Variants in IL24 observed in about 807,000 individuals in gnomAD.
The protein encoded by IL24 is interleukin 24.
A neutral mutation model predicts 27.6 loss-of-function variants in IL24; 24 were observed. The observed-to-expected ratio is 0.87, with a 90% confidence interval of 0.63 to 1.22. The LOEUF is 1.22. IL24 is among the 50% of genes most tolerant of loss of function. The pLI is 0.00. For missense variants in IL24, 240 were observed against 237.0 expected (o/e 1.01, Z -0.08); for synonymous variants, 99 against 93.1 (o/e 1.06, Z -0.36).
rs751769979 is a variant in IL24, at chr1:206,901,478, C to G, written c.304-16C>G. On this transcript the variant is annotated splice_polypyrimidine_tract_variant and intron_variant, in intron 4 of 6. Transcript: ENST00000294984. The stretch of plus-strand genomic sequence containing the variant: ...GGCAGAGGCCTTGGCTCAGCAGTGA[C>G]CCAGACCTTCCCCAGGATGCTGAGA... 3.1e-6 allele frequency: 5 copies of G among 1,604,712 alleles called. No individual in the cohort carries two copies. The South Asian group carries it at 5.6e-5, about 18-fold the overall frequency.
Position 206,903,052 on chromosome 1 carries a change from A to G in IL24, c.614A>G (p.Lys205Arg). 1.9e-6 allele frequency: 3 copies of G among 1,613,824 alleles called. No individual in the cohort carries two copies. The South Asian group carries it at 3.3e-5, about 18-fold the overall frequency. Residue 205 changes from lysine to arginine, a missense_variant, in exon 7 of 7, where the codon AAG (lysine) becomes AGG (arginine). By Grantham distance (26) the Lys-to-Arg change is conservative. Transcript: ENST00000294984. ...ILLTWMQKFY[K>R]L The stretch of plus-strand genomic sequence containing the variant: ...CTGACCTGGATGCAGAAATTCTACA[A>G]GCTCTGAATGTCTAGACCAGGACCT...
intron 4 of IL24, 54 bp from the exon 5 acceptor site, chr1:206,901,439 AG>A (rs2102525893): frequency 6.4e-7 from 1 of 1,553,428 alleles, no homozygotes; most frequent in Non-Finnish European, 8.7e-7. Flanking sequence ...TTGTTCCTTC[AG>A]GGGGTCAGGG....
chr1:206,901,672 G>C lies in IL24; in HGVS notation c.462+20G>C. 2 of 1,603,784 alleles carry C rather than the reference G, an allele frequency of 1.2e-6. No homozygotes were observed. The highest frequency in any genetic ancestry group is 2.7e-5 in the African/African-American group (2 of 74,820). ...CCCAGTGTGAGTAGCACACGCTCTG[G>C]ATACTGGCAGCTCTGGGTTCAAGTC... On this transcript the variant is annotated intron_variant, in intron 5 of 6. Coordinates refer to ENST00000294984, the MANE Select transcript of IL24 (RefSeq NM_006850.3).
At chr1:206,901,161 A>G (rs939408028) in intron 4 of IL24, among the ~76,000 whole-genome samples, 3 of 152,176 alleles carry the variant, frequency 2.0e-5, no homozygotes, top group Non-Finnish European at 4.4e-5. Context: ...TCACATCCCC[A>G]TAGCTGTTAA....
chr1:206,902,100 A>G (rs1015047238), intron 6 of IL24, 28 bp downstream of exon 6: 1 of 1,613,676 alleles, frequency 6.2e-7, no homozygotes. Context: ...GAGCTTGCCC[A>G]TCCAGCAGAA....
At position 206,901,544 on chromosome 1, in the gene IL24, A is replaced by T; in HGVS notation, c.354A>T (p.Lys118Asn). 1.9e-6 allele frequency: 3 copies of T among 1,614,072 alleles called. No individual in the cohort carries two copies. The highest frequency in any genetic ancestry group is 2.5e-6 in the Non-Finnish European group (3 of 1,179,992). Residue 118 changes from lysine (K) to asparagine (N), a missense_variant, in exon 5 of 7, where the codon AAA becomes AAT. Coordinates refer to ENST00000294984, the MANE Select transcript of IL24 (RefSeq NM_006850.3). ...ACACCCTGCTGGAGTTCTACTTGAA[A>T]ACTGTTTTCAAAAACTACCACAATA... is the stretch of plus-strand genomic sequence containing the variant. The part of the protein sequence containing the change: ...LVHTLLEFYL[K>N]TVFKNYHNRT...
intron 6 of IL24, chr1:206,902,704 G>A: frequency 1.0e-6 from 1 of 985,280 alleles, no homozygotes; most frequent in South Asian, 4.7e-5. Flanking sequence ...ATCCCATACT[G>A]CAGTTTGTGG....
chr1:206,898,767 T>C (rs3093420), intron 2 of IL24, among the ~76,000 whole-genome samples: 23 of 152,296 alleles, frequency 1.5e-4, no homozygotes, highest in African/African-American at 5.5e-4. Flanking sequence ...GACCCTGACC[T>C]GCCCTCTGTG....
Position 206,899,523 on chromosome 1 carries a change from A to G in IL24, c.240+8A>G. The stretch of plus-strand genomic sequence containing the variant: ...GCTGTGAAAGACACTATGGTGAGTA[A>G]AGTGCTGTTCTGGACCCAGTCGTGG... On this transcript the variant is annotated splice_region_variant and intron_variant, in intron 3 of 6. Transcript: ENST00000294984. 6.3e-7 allele frequency: 1 copy of G among 1,584,246 alleles called. No homozygotes were observed. The highest frequency in any genetic ancestry group is 8.6e-7 in the Non-Finnish European group (1 of 1,165,536).
chr1:206,899,179 C>A, intron 2 of IL24, 141 bp from the exon 3 acceptor site: 1 of 820,276 alleles, frequency 1.2e-6, no homozygotes, highest in Non-Finnish European at 1.9e-6. Flanking sequence ...CTTAGCAAGG[C>A]TGCCGGTTTG....
intron 3 of IL24, among the ~76,000 whole-genome samples, 197 bp downstream of exon 3, chr1:206,899,712 A>C (rs532307239): frequency 6.6e-6 from 1 of 152,184 alleles, no homozygotes; most frequent in Non-Finnish European, 1.5e-5. Flanking sequence ...GGGCTCAGAA[A>C]AAATGTGGGC....
At chr1:206,900,482 C>G (rs1306331431) in intron 4 of IL24, 125 bp downstream of exon 4, 1 of 814,346 alleles carries the variant, frequency 1.2e-6, no homozygotes, top group African/African-American at 1.7e-5. Flanking sequence ...TTACACAGGA[C>G]AGGGCCAGAC....
intron 6 of IL24, chr1:206,902,391 A>AGTGGGGGGGGGGGGGG: frequency 1.1e-6 from 1 of 873,092 alleles, no homozygotes; most frequent in Non-Finnish European, 1.4e-6. Context: ...AAGAAGGGAG[A>AGTGGGGGGGGGGGGGG]CACCCCACCC....
Position 206,901,581 on chromosome 1 carries a change from G to C in IL24, c.391G>C (p.Val131Leu), listed in dbSNP as rs3093446. The stretch of plus-strand genomic sequence containing the variant: ...AAACTACCACAATAGAACAGTTGAA[G>C]TCAGGACTCTGAAGTCATTCTCTAC... The part of the protein sequence containing the change: ...FKNYHNRTVE[V>L]RTLKSFSTLA... The change falls in exon 5 of 7, where the codon GTC (valine) becomes CTC (leucine). Residue 131 changes from valine to leucine, a missense_variant. Physicochemically the swap from Val to Leu is conservative, Grantham distance 32. Coordinates refer to ENST00000294984, the MANE Select transcript of IL24 (RefSeq NM_006850.3). 4.6e-4 allele frequency: 749 copies of C among 1,614,196 alleles called. No homozygotes were observed. The highest frequency in any genetic ancestry group is 5.7e-4 in the Non-Finnish European group (674 of 1,180,022).
rs1678213751 is a variant in IL24, at chr1:206,897,754, G to C, written c.-79G>C. The stretch of plus-strand genomic sequence containing the variant: ...AGGGACAAGACATGACTGTGATGAG[G>C]AGCTGCTTTCGCCAATTTAACACCA... On this transcript the variant is annotated 5_prime_UTR_variant, in exon 2 of 7. Transcript: ENST00000294984. 21 of 1,483,840 alleles carry C rather than the reference G, an allele frequency of 1.4e-5. No individual in the cohort carries two copies. In the South Asian group the frequency reaches 2.2e-4, roughly 16 times the overall value. The allele number at this position is 1,483,840 out of a possible 1,614,324, so 91.9% of individuals were successfully genotyped here. A position where few individuals can be genotyped will look rare whatever the true frequency, so the allele number is the denominator to read the frequency against.
chr1:206,900,419 G>C, intron 4 of IL24, 62 bp downstream of exon 4: 1 of 1,425,156 alleles, frequency 7.0e-7, no homozygotes, highest in Non-Finnish European at 9.9e-7. Flanking sequence ...GGGAGTGCAA[G>C]GCTTTCTTAG....
At chr1:206,900,604 G>A (rs2102524925) in intron 4 of IL24, among the ~76,000 whole-genome samples, 1 of 152,304 alleles carries the variant, frequency 6.6e-6, no homozygotes. Flanking sequence ...CATTTAGCCA[G>A]AGAATTATAT....
Position 206,900,354 on chromosome 1 carries a change from C to T in IL24, c.300C>T (p.Val100=). ...TGCAGCAGGAGGTTCTGCAGAACGT[C>T]TCGGTAATCAGACCTCGGGGACACC... is the stretch of plus-strand genomic sequence containing the variant. ...RLLQQEVLQN[V]SDAESCYLVH... Residue 100 remains valine, a synonymous_variant, in exon 4 of 7, where the codon GTC becomes GTT. Coordinates refer to ENST00000294984, the MANE Select transcript of IL24 (RefSeq NM_006850.3). The T allele has an allele frequency of 6.2e-7, 1 of 1,614,058 alleles. No individual in the cohort carries two copies. The highest frequency in any genetic ancestry group is 8.5e-7 in the Non-Finnish European group (1 of 1,179,984).
At chr1:206,898,590 C>G (rs912719877) in intron 2 of IL24, among the ~76,000 whole-genome samples, 2 of 152,130 alleles carry the variant, frequency 1.3e-5, no homozygotes, top group Admixed American at 6.5e-5. Flanking sequence ...GTTAGGTTCC[C>G]CAGCTTGGAG....
Sources: gnomAD v4.1 joint callset for allele counts (sites outside exome capture counted in the v4.1 genomes callset) on GRCh38, gnomAD v4.1.1 for gene constraint, MANE v1.5 for transcripts, NCBI Gene and HGNC (gene_info 2026-07-23, HGNC 2026-07-21) for gene names.